Variants in FAM9B observed in about 807,000 individuals in gnomAD.
FAM9B encodes protein FAM9B.
FAM9B carries 18 observed loss-of-function variants against 16.6 expected under a neutral mutation model. The observed-to-expected ratio is 1.09, with a 90% confidence interval of 0.75 to 1.61. The LOEUF (loss-of-function observed/expected upper bound fraction) is 1.61. Among genes scored for constraint, FAM9B ranks in the 40% most tolerant of loss-of-function variants. FAM9B has a pLI of 0.00. For synonymous variants in FAM9B, 43 were observed against 42.6 expected (o/e 1.01, Z -0.03); for missense variants, 155 against 136.0 (o/e 1.14, Z -0.70).
chrX:9,027,504 T>C (rs1337764865), intron 7 of FAM9B, among the ~76,000 whole-genome samples: 2 of 111,285 alleles, frequency 1.8e-5, no homozygotes, highest in Non-Finnish European at 3.8e-5. Flanking sequence ...GAATCATATA[T>C]ATCCTACTGC....
Position 9,027,968 on chromosome X carries a change from T to C in FAM9B, c.394-2A>G, listed in dbSNP as rs1920983548. 1 of 1,173,583 alleles carries C rather than the reference T, an allele frequency of 8.5e-7. No individual in the cohort carries two copies. Among genetic ancestry groups the C allele is most frequent in the Non-Finnish European group, 1.2e-6 (1 of 862,574 alleles). On this transcript the variant is annotated splice_acceptor_variant, in intron 6 of 8. Coordinates refer to ENST00000327220, the MANE Select transcript of FAM9B (RefSeq NM_205849.3). LOFTEE classifies it high-confidence loss of function. Reference sequence around the variant, plus strand: ...CTTCTGTTGTTCTTGAAATATTCTCTAGAATCCCAAAACAAAATAGTGATA... The same window carrying C: ...CTTCTGTTGTTCTTGAAATATTCTCCAGAATCCCAAAACAAAATAGTGATA...
chrX:9,028,306 A>C (rs1312756750), intron 6 of FAM9B, among the ~76,000 whole-genome samples: 2 of 111,913 alleles, frequency 1.8e-5, no homozygotes, highest in Admixed American at 1.9e-4. Flanking sequence ...ATTAACTAAG[A>C]AAAATTCTTT....
rs897663907 is a variant in FAM9B, at chrX:9,024,769, A to C, written c.*640T>G. On this transcript the variant is annotated 3_prime_UTR_variant, in exon 9 of 9. Transcript: ENST00000327220. ...CAATCTTGGCTTACTGCAACCTCCA[A>C]CTCCCGGGTTCAAGAGATCCTCCTG... 1 of 111,749 alleles carries C rather than the reference A, an allele frequency of 8.9e-6. No homozygotes were observed. Among genetic ancestry groups the C allele is most frequent in the African/African-American group, 3.3e-5 (1 of 30,752 alleles). The allele number at this position is 111,749 out of a possible 1,213,427, so 9.2% of individuals were successfully genotyped here.
chrX:9,026,485 C>G (rs775917617), intron 7 of FAM9B, among the ~76,000 whole-genome samples: 1 of 110,159 alleles, frequency 9.1e-6, no homozygotes, highest in East Asian at 2.8e-4. Context: ...GCTGGGAAGA[C>G]GGAAGGGCTG....
At chrX:9,027,307 G>T (rs964695576) in intron 7 of FAM9B, among the ~76,000 whole-genome samples, 1 of 111,655 alleles carries the variant, frequency 9.0e-6, no homozygotes, top group African/African-American at 3.3e-5. Flanking sequence ...CAGTAGTTAC[G>T]CTTGCCTACT....
intron 6 of FAM9B, 150 bp from the exon 7 acceptor site, chrX:9,028,116 T>C: frequency 2.3e-6 from 1 of 433,445 alleles, no homozygotes; most frequent in East Asian, 3.9e-5. Flanking sequence ...TTTTAAACAA[T>C]TGTGTTCACC....
At chrX:9,033,173 G>A (rs1330511998) in intron 1 of FAM9B, 98 bp from the exon 2 acceptor site, 42 of 1,154,519 alleles carry the variant, frequency 3.6e-5, no homozygotes, top group African/African-American at 1.8e-4. Flanking sequence ...GGGCTGGCCC[G>A]CCCTGGGTCT....
chrX:9,032,546 A>G, intron 2 of FAM9B, 85 bp from the exon 3 acceptor site: 1 of 271,340 alleles, frequency 3.7e-6, no homozygotes, highest in Non-Finnish European at 6.0e-6. Flanking sequence ...CTAGTTGTAG[A>G]CTTTTTTGGG....
intron 4 of FAM9B, chrX:9,031,132 T>A (rs1241655728): frequency 9.0e-6 from 1 of 111,709 alleles, no homozygotes; most frequent in Non-Finnish European, 1.9e-5. Flanking sequence ...ACATACAGTC[T>A]CCATCTATAA....
rs375304799 is a variant in FAM9B at position 9,030,232 on chromosome X, T to C, written c.281+29A>G. The stretch of plus-strand genomic sequence containing the variant: ...CTAATACAAAGAAATGATATAAATA[T>C]CATTATGCAAAAAAGCCAACAGTCA... On this transcript the variant is annotated intron_variant, in intron 5 of 8. Coordinates refer to ENST00000327220, the MANE Select transcript of FAM9B (RefSeq NM_205849.3). 9 of 1,171,299 alleles carry C rather than the reference T, an allele frequency of 7.7e-6. No homozygotes were observed. In the African/African-American group the frequency reaches 1.4e-4, roughly 18 times the overall value.
chrX:9,031,085 A>C (rs1053514856), intron 4 of FAM9B: 2 of 111,824 alleles, frequency 1.8e-5, no homozygotes, highest in Non-Finnish European at 3.8e-5. Flanking sequence ...ATTTTCAGCA[A>C]TCATAAAAGA....
chrX:9,033,035 C>T lies in FAM9B; in HGVS notation c.-49G>A, dbSNP rs1359226870. 7.4e-6 allele frequency: 9 copies of T among 1,211,896 alleles called. No individual in the cohort carries two copies. Among genetic ancestry groups the T allele is most frequent in the African/African-American group, 6.9e-5 (4 of 57,891 alleles). On this transcript the variant is annotated 5_prime_UTR_variant, in exon 2 of 9. Transcript: ENST00000327220. ...TGGCAGCCCTCCTGCCCACAGGATC[C>T]GTGGCTGGTTGTCCTGGGAAGCTAG...
Position 9,034,068 on chromosome X carries a change from A to G in FAM9B, c.-306T>C. 9.8e-6 allele frequency: 2 copies of G among 203,315 alleles called. No individual in the cohort carries two copies. The highest frequency in any genetic ancestry group is 4.5e-4 in the South Asian group (2 of 4,448). The allele number at this position is 203,315 out of a possible 1,213,427, so 16.8% of individuals were successfully genotyped here. A position where few individuals can be genotyped will look rare whatever the true frequency, so the allele number is the denominator to read the frequency against. Reference sequence around the variant, plus strand: ...AAAAAACAAAACAAAAAAACAAAAAAAAAGAAAAGTAAAGAAAACGGGTCC... The same window carrying G: ...AAAAAACAAAACAAAAAAACAAAAAGAAAGAAAAGTAAAGAAAACGGGTCC... On this transcript the variant is annotated 5_prime_UTR_variant, in exon 1 of 9. Transcript: ENST00000327220.
chrX:9,029,681 A>G (rs1175653680), intron 5 of FAM9B, among the ~76,000 whole-genome samples: 1 of 111,850 alleles, frequency 8.9e-6, no homozygotes, highest in Non-Finnish European at 1.9e-5. Flanking sequence ...ACTTTCCCAG[A>G]AACATTTTCT....
chrX:9,030,203 C>G (rs1272102687), intron 5 of FAM9B, 58 bp downstream of exon 5: 2 of 1,157,005 alleles, frequency 1.7e-6, no homozygotes, highest in East Asian at 6.2e-5. Context: ...ATTATTTGCA[C>G]CAACTAATAC....
intron 4 of FAM9B, 102 bp downstream of exon 4, chrX:9,032,028 C>T (rs1921090144): frequency 1.4e-6 from 1 of 716,336 alleles, no homozygotes; most frequent in Middle Eastern, 3.3e-4. Context: ...TATGAGAAGC[C>T]ATTTAAGACA....
chrX:9,033,503 G>T lies in FAM9B; in HGVS notation c.-90+349C>A, dbSNP rs771245119. 7 of 496,193 alleles carry T rather than the reference G, an allele frequency of 1.4e-5. No homozygotes were observed. The South Asian group carries it at 7.6e-4, about 54-fold the overall frequency. The allele number at this position is 496,193 out of a possible 1,213,427, so 40.9% of individuals were successfully genotyped here. A position where few individuals can be genotyped will look rare whatever the true frequency, so the allele number is the denominator to read the frequency against. On this transcript the variant is annotated intron_variant, in intron 1 of 8. Transcript: ENST00000327220. ...CCGGTGACCCCCGGTGACCCCAAGTGTCCTGTCCTGTCGGGCGGCCAGGCA... is the reference window on the plus strand; with the variant it reads ...CCGGTGACCCCCGGTGACCCCAAGTTTCCTGTCCTGTCGGGCGGCCAGGCA...
Position 9,029,431 on chromosome X carries a change from A to G in FAM9B, c.282-13T>C. The G allele has an allele frequency of 9.1e-7, 1 of 1,094,834 alleles. No homozygotes were observed. The highest frequency in any genetic ancestry group is 1.3e-6 in the Non-Finnish European group (1 of 790,783). 90.2% of individuals were successfully genotyped at this position (1,094,834 alleles called of 1,213,427 possible). On this transcript the variant is annotated splice_polypyrimidine_tract_variant and intron_variant, in intron 5 of 8. Coordinates refer to ENST00000327220, the MANE Select transcript of FAM9B (RefSeq NM_205849.3). ...ATCACGTTTCTGCCTGTAACACATA[A>G]TAAGTAACACGGTCATACGTCATAG... is the stretch of plus-strand genomic sequence containing the variant.
rs1921103587 is a variant in FAM9B at position 9,032,398 on chromosome X, T to C, written c.92A>G (p.Asp31Gly). The C allele has an allele frequency of 8.3e-7, 1 of 1,209,976 alleles. No individual in the cohort carries two copies. The highest frequency in any genetic ancestry group is 1.7e-5 in the African/African-American group (1 of 57,185). The change falls in exon 3 of 9, where the codon GAT (aspartate) becomes GGT (glycine). Residue 31 changes from aspartate to glycine, a missense_variant. Coordinates refer to ENST00000327220, the MANE Select transcript of FAM9B (RefSeq NM_205849.3). ...RNRFTETREE[D>G]VTDEHGEREP... Reference sequence around the variant, plus strand: ...TCTTTCCCCATGCTCATCAGTTACATCTTCCTCCCTTGTTTCTGTAAAACG... The same window carrying C: ...TCTTTCCCCATGCTCATCAGTTACACCTTCCTCCCTTGTTTCTGTAAAACG...
Sources: gnomAD v4.1 joint callset for allele counts (sites outside exome capture counted in the v4.1 genomes callset) on GRCh38, gnomAD v4.1.1 for gene constraint, MANE v1.5 for transcripts, NCBI Gene and HGNC (gene_info 2026-07-23, HGNC 2026-07-21) for gene names.